ARHGEF26: variants seen among roughly 807,000 people sequenced by gnomAD.
The protein encoded by ARHGEF26 is Rho guanine nucleotide exchange factor 26, also known as Rho guanine nucleotide exchange factor (GEF) 26.
ARHGEF26 carries 59 observed loss-of-function variants against 89.4 expected under a neutral mutation model. That is an observed-to-expected ratio of 0.66 (90% CI 0.54 to 0.82). The LOEUF (loss-of-function observed/expected upper bound fraction) is 0.82, where lower values mean the gene tolerates loss of function less well. Among genes scored for constraint, ARHGEF26 ranks in the 40% least tolerant of loss-of-function variants. The pLI is 0.00. For synonymous variants in ARHGEF26, 500 were observed against 428.4 expected, an observed-to-expected ratio of 1.17 and a Z score of -2.06; for missense variants, 1,234 against 1,085.6, an observed-to-expected ratio of 1.14 and a Z score of -1.92.
At chr3:154,245,331 A>T (rs572829129) in intron 12 of ARHGEF26, among the ~76,000 whole-genome samples, 13 of 152,352 alleles carry the variant, frequency 8.5e-5, no homozygotes, top group Admixed American at 7.2e-4. Flanking sequence ...GCCCGGCCTC[A>T]ATCCGTAGGC....
At chr3:154,159,661 C>CA (rs1254097663) in intron 6 of ARHGEF26, among the ~76,000 whole-genome samples, 12 of 151,814 alleles carry the variant, frequency 7.9e-5, no homozygotes, top group Non-Finnish European at 1.6e-4. Context: ...TTCATATTAC[C>CA]AAAAAATGAC....
At chr3:154,139,128 G>A (rs1345364378) in intron 4 of ARHGEF26, among the ~76,000 whole-genome samples, 1 of 152,152 alleles carries the variant, frequency 6.6e-6, no homozygotes, top group Non-Finnish European at 1.5e-5. Flanking sequence ...AGAGTCTCAG[G>A]TAGAGAAAAT....
chr3:154,123,123 A>T (rs1326602701), intron 2 of ARHGEF26, 48 bp downstream of exon 2: 1 of 1,604,724 alleles, frequency 6.2e-7, no homozygotes. Flanking sequence ...GCGGAAAGTA[A>T]ATGTGTTGGG....
At chr3:154,171,383 TAC>T (rs1041105027) in intron 6 of ARHGEF26, among the ~76,000 whole-genome samples, 5 of 152,188 alleles carry the variant, frequency 3.3e-5, no homozygotes, top group African/African-American at 4.8e-5. Flanking sequence ...TCACCTAAAG[TAC>T]ATAATTTACA....
At chr3:154,202,212 T>G (rs1365373314) in intron 9 of ARHGEF26, among the ~76,000 whole-genome samples, 3 of 152,196 alleles carry the variant, frequency 2.0e-5, no homozygotes, top group Non-Finnish European at 4.4e-5. Context: ...CAGTTTCAGC[T>G]TCCTACATAT....
intron 4 of ARHGEF26, among the ~76,000 whole-genome samples, chr3:154,144,972 G>A (rs929258125): frequency 2.6e-5 from 4 of 152,062 alleles, no homozygotes; most frequent in African/African-American, 7.3e-5. Context: ...CTCTCTCTCT[G>A]TTTACCCACC....
At position 154,237,580 on chromosome 3, in the gene ARHGEF26, A is replaced by T. The variant is rs988565196; in HGVS notation, c.2091-2790A>T. Among the ~76,000 whole-genome samples, 7 of 148,220 alleles carry T rather than the reference A, an allele frequency of 4.7e-5. No homozygotes were observed. The East Asian group carries it at 5.9e-4, about 13-fold the overall frequency. On this transcript the variant is annotated intron_variant, in intron 11 of 14. Coordinates refer to ENST00000465093, the MANE Select transcript of ARHGEF26 (RefSeq NM_015595.4). Reference sequence around the variant, plus strand: ...CACACACACACACACACACTTAACTAGTTTATTCATATTAGCTTATATTCA... The same window carrying T: ...CACACACACACACACACACTTAACTTGTTTATTCATATTAGCTTATATTCA...
chr3:154,140,416 G>A (rs1357437823), intron 4 of ARHGEF26, among the ~76,000 whole-genome samples: 1 of 152,138 alleles, frequency 6.6e-6, no homozygotes. Flanking sequence ...ATGGATACAT[G>A]TACCTAGGGC....
intron 6 of ARHGEF26, among the ~76,000 whole-genome samples, chr3:154,160,000 G>C (rs1711561474): frequency 6.6e-6 from 1 of 152,004 alleles, no homozygotes; most frequent in African/African-American, 2.4e-5. Flanking sequence ...ACTTACCCCA[G>C]AGTCTTTGGT....
intron 7 of ARHGEF26, among the ~76,000 whole-genome samples, chr3:154,190,235 G>A (rs1713872686): frequency 6.6e-6 from 1 of 152,122 alleles, no homozygotes; most frequent in Admixed American, 6.5e-5. Context: ...TTTGAGGCCA[G>A]GCACAGTGGC....
chr3:154,212,185 A>G (rs1238106137), intron 9 of ARHGEF26, among the ~76,000 whole-genome samples: 4 of 151,996 alleles, frequency 2.6e-5, no homozygotes, highest in African/African-American at 9.7e-5. Flanking sequence ...CAGTAAATCA[A>G]AAAATTAGCC....
rs76135142 is a variant in ARHGEF26, at chr3:154,256,899, C to T, written c.*1426C>T. 1.2e-3 allele frequency: 1,861 copies of T among 1,534,650 alleles called. 21 individuals carry two copies. In the African/African-American group the frequency reaches 0.022, roughly 19 times the overall value. ...GAGAGAGAAAGGTTATCTTAATAGT[C>T]GGTTTCATGGAGATGAAGGATGGGA... On this transcript the variant is annotated 3_prime_UTR_variant, in exon 15 of 15. Coordinates refer to ENST00000465093, the MANE Select transcript of ARHGEF26 (RefSeq NM_015595.4).
At chr3:154,226,870 A>G (rs1473930849) in intron 11 of ARHGEF26, among the ~76,000 whole-genome samples, 1 of 152,184 alleles carries the variant, frequency 6.6e-6, no homozygotes, top group East Asian at 1.9e-4. Context: ...AATTGATGGC[A>G]TATGGTGGGA....
At chr3:154,241,289 A>G (rs1157871458) in intron 12 of ARHGEF26, among the ~76,000 whole-genome samples, 1 of 152,162 alleles carries the variant, frequency 6.6e-6, no homozygotes, top group African/African-American at 2.4e-5. Context: ...GGCAGATATT[A>G]TATTGGGTCA....
chr3:154,216,245 C>T (rs1424281635), intron 9 of ARHGEF26, among the ~76,000 whole-genome samples: 1 of 150,554 alleles, frequency 6.6e-6, no homozygotes, highest in Non-Finnish European at 1.5e-5. Flanking sequence ...ATTTTTTTTT[C>T]CAGATTTTCC....
intron 4 of ARHGEF26, among the ~76,000 whole-genome samples, chr3:154,140,176 T>G (rs1349252047): frequency 6.6e-6 from 1 of 152,236 alleles, no homozygotes; most frequent in Non-Finnish European, 1.5e-5. Context: ...AGTATTGATT[T>G]GTTTACATGC....
Position 154,122,288 on chromosome 3 carries a change from CGGAGTA to C in ARHGEF26, c.297_302del (p.Glu100_Tyr101del). On this transcript the variant is annotated inframe_deletion, in exon 2 of 15. Transcript: ENST00000465093. ...GTGGCCAATGGTGGGACGGCATCCC[CGGAGTA>C]CAGGGCTGCCTCTCCTCGACTTCGA... 1 of 1,612,618 alleles carries C rather than the reference CGGAGTA, an allele frequency of 6.2e-7. No homozygotes were observed. The highest frequency in any genetic ancestry group is 8.5e-7 in the Non-Finnish European group (1 of 1,179,792).
Position 154,163,757 on chromosome 3 carries a change from C to T in ARHGEF26, c.1487+10825C>T, listed in dbSNP as rs766939838. On this transcript the variant is annotated intron_variant, in intron 6 of 14. Coordinates refer to ENST00000465093, the MANE Select transcript of ARHGEF26 (RefSeq NM_015595.4). ...CTTATTTTCTCATGGACATTGTTCC[C>T]GAAGTGAAGAATATTGTCCATATCT... Among the ~76,000 whole-genome samples the T allele has an allele frequency of 3.2e-4, 49 of 152,054 alleles. 1 individual carries two copies. The highest frequency in any genetic ancestry group is 5.0e-4 in the Non-Finnish European group (34 of 68,010).
At chr3:154,213,025 CT>C (rs1559903004) in intron 9 of ARHGEF26, among the ~76,000 whole-genome samples, 1 of 152,090 alleles carries the variant, frequency 6.6e-6, no homozygotes, top group East Asian at 1.9e-4. Context: ...GTTTTAAATT[CT>C]TTTGTATATA....
Sources: gnomAD v4.1 joint callset for allele counts (sites outside exome capture counted in the v4.1 genomes callset) on GRCh38, gnomAD v4.1.1 for gene constraint, MANE v1.5 for transcripts, NCBI Gene and HGNC (gene_info 2026-07-23, HGNC 2026-07-21) for gene names.